TENM4: variants seen among roughly 807,000 people sequenced by gnomAD.
TENM4 encodes the protein teneurin-4.
Under a neutral mutation model 243.3 loss-of-function variants are expected in TENM4, and 82 were observed. The observed-to-expected ratio is 0.34, with a 90% CI of 0.28 to 0.40. The LOEUF (loss-of-function observed/expected upper bound fraction) is 0.40. TENM4 is among the 10% of genes least tolerant of loss of function. The pLI, the probability that TENM4 is intolerant of heterozygous loss-of-function variation, is 1.00. For missense variants in TENM4, 3,138 were observed against 3,673.3 expected, an observed-to-expected ratio of 0.85 and a Z score of 3.77; for synonymous variants, 1,412 against 1,456.3, an observed-to-expected ratio of 0.97 and a Z score of 0.69.
chr11:79,202,233 G>A (rs911140068), intron 3 of TENM4, among the ~76,000 whole-genome samples: 4 of 152,192 alleles, frequency 2.6e-5, no homozygotes, highest in Admixed American at 6.5e-5. Flanking sequence ...CTTCCCTGCT[G>A]TGAGGGACTT....
rs533936451 is a variant in TENM4 at position 79,308,405 on chromosome 11, A to G, written c.-320-10862T>C. ...AGATCTAACGGCAGGTCTATTAACT[A>G]TCATAACCGTGAGGTAGTGATGAGT... On this transcript the variant is annotated intron_variant, in intron 1 of 33. Coordinates refer to ENST00000278550, the MANE Select transcript of TENM4 (RefSeq NM_001098816.3). 4.6e-5 allele frequency among the ~76,000 whole-genome samples: 7 copies of G among 152,262 alleles called. No homozygotes were observed. In the East Asian group the frequency reaches 1.2e-3, roughly 25 times the overall value.
At chr11:79,404,099 T>C (rs1858518831) in intron 1 of TENM4, among the ~76,000 whole-genome samples, 1 of 152,226 alleles carries the variant, frequency 6.6e-6, no homozygotes, top group Non-Finnish European at 1.5e-5. Context: ...GCTGCCCTCA[T>C]GGCAAAGCTT....
chr11:79,286,122 T>G (rs1189339633), intron 2 of TENM4, among the ~76,000 whole-genome samples: 1 of 152,204 alleles, frequency 6.6e-6, no homozygotes, highest in African/African-American at 2.4e-5. Context: ...ACAGCTGATT[T>G]GCTAGAAGTG....
intron 6 of TENM4, among the ~76,000 whole-genome samples, chr11:79,015,479 T>A (rs1450074575): frequency 8.2e-6 from 1 of 121,832 alleles, no homozygotes; most frequent in Admixed American, 9.2e-5. Flanking sequence ...AGTCATTTAG[T>A]GTGTGTGTGT....
At chr11:79,168,526 A>AG (rs1362163602) in intron 3 of TENM4, among the ~76,000 whole-genome samples, 2 of 152,168 alleles carry the variant, frequency 1.3e-5, no homozygotes. Flanking sequence ...GGGAGAGGAG[A>AG]GAAAGCTAGA....
At chr11:78,949,980 C>G (rs1358695289) in intron 6 of TENM4, among the ~76,000 whole-genome samples, 1 of 151,778 alleles carries the variant, frequency 6.6e-6, no homozygotes, top group Non-Finnish European at 1.5e-5. Flanking sequence ...CCAGTGTTCC[C>G]CTTTGGTTGG....
chr11:79,253,276 C>T (rs535736305), intron 2 of TENM4, among the ~76,000 whole-genome samples: 4 of 152,170 alleles, frequency 2.6e-5, no homozygotes, highest in Admixed American at 6.5e-5. Flanking sequence ...GCCTGACCAC[C>T]GTAAGGCCTG....
At chr11:78,913,606 T>C (rs1332393130) in intron 6 of TENM4, among the ~76,000 whole-genome samples, 6 of 150,970 alleles carry the variant, frequency 4.0e-5, no homozygotes, top group Non-Finnish European at 7.4e-5. Flanking sequence ...TGTGTGTGTG[T>C]GTGTGTGTGT....
chr11:78,716,832 AT>A (rs1415129131), intron 25 of TENM4, among the ~76,000 whole-genome samples: 1 of 152,204 alleles, frequency 6.6e-6, no homozygotes, highest in Non-Finnish European at 1.5e-5. Context: ...GAGAGTCCAC[AT>A]TTCTAACAAT....
chr11:78,888,587 CT>C (rs2136289623), intron 9 of TENM4, among the ~76,000 whole-genome samples: 1 of 152,354 alleles, frequency 6.6e-6, no homozygotes, highest in South Asian at 2.1e-4. Context: ...ACTTCTCTAT[CT>C]CTTGAACATG....
chr11:79,129,439 C>T (rs1442330871), intron 4 of TENM4, among the ~76,000 whole-genome samples: 1 of 152,168 alleles, frequency 6.6e-6, no homozygotes, highest in East Asian at 1.9e-4. Context: ...AGAACCAAGC[C>T]CTTTTCTTTT....
chr11:78,932,724 G>A (rs1416050261), intron 6 of TENM4, among the ~76,000 whole-genome samples: 1 of 152,108 alleles, frequency 6.6e-6, no homozygotes, highest in African/African-American at 2.4e-5. Flanking sequence ...TGGGGGTTTG[G>A]GATGAAACTG....
intron 3 of TENM4, among the ~76,000 whole-genome samples, chr11:79,186,364 T>C (rs1031785871): frequency 5.3e-5 from 8 of 152,130 alleles, no homozygotes; most frequent in Non-Finnish European, 7.3e-5. Context: ...GTAGCAACAA[T>C]TGCATCTGTT....
chr11:79,391,202 A>G (rs1858225774), intron 1 of TENM4, among the ~76,000 whole-genome samples: 2 of 152,206 alleles, frequency 1.3e-5, no homozygotes, highest in Admixed American at 6.5e-5. Context: ...ATGCCTGGCA[A>G]TAGTAAGAGT....
chr11:79,063,894 G>T (rs55794697), intron 6 of TENM4, among the ~76,000 whole-genome samples: 3 of 151,972 alleles, frequency 2.0e-5, no homozygotes, highest in Non-Finnish European at 4.4e-5. Flanking sequence ...TGGGATCAGG[G>T]GGAAGCTGCA....
intron 19 of TENM4, among the ~76,000 whole-genome samples, chr11:78,740,847 A>T (rs1029884476): frequency 1.3e-4 from 20 of 152,170 alleles, no homozygotes; most frequent in African/African-American, 4.8e-4. Flanking sequence ...GGATTTCCTG[A>T]TAATTGGGAA....
At chr11:79,279,130 G>A (rs1475794265) in intron 2 of TENM4, among the ~76,000 whole-genome samples, 2 of 152,182 alleles carry the variant, frequency 1.3e-5, no homozygotes, top group African/African-American at 2.4e-5. Context: ...CAAGCTGAAA[G>A]TTTACCACAT....
At chr11:79,287,982 G>C (rs1336102253) in intron 2 of TENM4, among the ~76,000 whole-genome samples, 1 of 152,188 alleles carries the variant, frequency 6.6e-6, no homozygotes, top group East Asian at 1.9e-4. Flanking sequence ...GGCCTCAGTG[G>C]GAACCCCAAC....
chr11:78,916,085 T>A (rs940383938), intron 6 of TENM4, among the ~76,000 whole-genome samples: 4 of 152,164 alleles, frequency 2.6e-5, no homozygotes, highest in Non-Finnish European at 4.4e-5. Flanking sequence ...GCCACAAACC[T>A]CATTCAAACA....
Sources: gnomAD v4.1 joint callset for allele counts (sites outside exome capture counted in the v4.1 genomes callset) on GRCh38, gnomAD v4.1.1 for gene constraint, MANE v1.5 for transcripts, NCBI Gene and HGNC (gene_info 2026-07-23, HGNC 2026-07-21) for gene names.